Variants in CYP19A1 observed in about 807,000 individuals in gnomAD.
CYP19A1 encodes aromatase.
In CYP19A1, 32 loss-of-function variants were observed where a neutral mutation model predicts 44.4. The ratio of observed to expected loss-of-function variants is 0.72; its 90% CI spans 0.54 to 0.97. The LOEUF is 0.97. Ranked by LOEUF, CYP19A1 falls within the 50% of genes least tolerant of loss-of-function variation. CYP19A1 has a pLI of 0.00. For synonymous variants in CYP19A1, 212 were observed against 215.6 expected (o/e 0.98, Z 0.14); for missense variants, 598 against 637.8 (o/e 0.94, Z 0.67).
intron 1 of CYP19A1, among the ~76,000 whole-genome samples, chr15:51,295,133 CGT>C (rs869085526): frequency 2.3e-5 from 3 of 130,596 alleles, no homozygotes; most frequent in African/African-American, 1.0e-4. Flanking sequence ...GAATTAACAA[CGT>C]GTTTTTTTTT....
chr15:51,294,629 G>T (rs1168192434), intron 1 of CYP19A1, among the ~76,000 whole-genome samples: 2 of 146,778 alleles, frequency 1.4e-5, no homozygotes, highest in Admixed American at 6.7e-5. Flanking sequence ...CGGGAGGGAG[G>T]TGGGGGGGTC....
intron 1 of CYP19A1, among the ~76,000 whole-genome samples, chr15:51,285,107 G>T (rs1320119906): frequency 6.6e-6 from 1 of 152,210 alleles, no homozygotes; most frequent in Non-Finnish European, 1.5e-5. Context: ...AACTGCTGGA[G>T]CGCCAGGGTT....
In CYP19A1 at chr15:51,210,442, A is replaced by G. The variant is rs2030821330; in HGVS notation, c.*366T>C. ...TTGAGTGTTTCTGCCCCAGACATAAAAATCCCCTTGGGTTGAGGCAGTAGA... is the reference window on the plus strand; with the variant it reads ...TTGAGTGTTTCTGCCCCAGACATAAGAATCCCCTTGGGTTGAGGCAGTAGA... On this transcript the variant is annotated 3_prime_UTR_variant, in exon 10 of 10. Coordinates refer to ENST00000396402, the MANE Select transcript of CYP19A1 (RefSeq NM_000103.4). The G allele has an allele frequency of 3.8e-6, 2 of 521,152 alleles. No homozygotes were observed. The highest frequency in any genetic ancestry group is 1.9e-5 in the African/African-American group (1 of 52,986). The allele number at this position is 521,152 out of a possible 1,614,324, so 32.3% of individuals were successfully genotyped here.
At position 51,215,119 on chromosome 15, in the gene CYP19A1, C is replaced by T; in HGVS notation, c.972G>A (p.Lys324=). Residue 324 remains lysine, a synonymous_variant, in exon 8 of 10, where the codon AAG becomes AAA. Coordinates refer to ENST00000396402, the MANE Select transcript of CYP19A1 (RefSeq NM_000103.4). Reference sequence around the variant, plus strand: ...TTATTGCCTCTTCAACATTAGGGTGCTTTGCAATGAGAAATAGCATGAAGA... The same window carrying T: ...TTATTGCCTCTTCAACATTAGGGTGTTTTGCAATGAGAAATAGCATGAAGA... ...SLFFMLFLIA[K]HPNVEEAIIK... 1 of 1,613,994 alleles carries T rather than the reference C, an allele frequency of 6.2e-7. No individual in the cohort carries two copies. The highest frequency in any genetic ancestry group is 1.3e-5 in the African/African-American group (1 of 75,010).
At chr15:51,324,789 A>G (rs954222437) in intron 1 of CYP19A1, among the ~76,000 whole-genome samples, 1 of 152,208 alleles carries the variant, frequency 6.6e-6, no homozygotes, top group African/African-American at 2.4e-5. Context: ...ACTGATCTAG[A>G]ATTTTTATTA....
At chr15:51,231,936 C>G (rs1252590675) in intron 3 of CYP19A1, among the ~76,000 whole-genome samples, 2 of 152,170 alleles carry the variant, frequency 1.3e-5, no homozygotes, top group Admixed American at 6.5e-5. Flanking sequence ...TATTCAAGGC[C>G]AACCCATCCA....
At chr15:51,302,834 C>T (rs376349173) in intron 1 of CYP19A1, among the ~76,000 whole-genome samples, 7 of 152,220 alleles carry the variant, frequency 4.6e-5, no homozygotes, top group African/African-American at 7.2e-5. Flanking sequence ...AAACTGTACT[C>T]GGCACTTTTT....
At position 51,242,758 on chromosome 15, in the gene CYP19A1, A is replaced by G. The variant is rs1362786284; in HGVS notation, c.145+10T>C. On this transcript the variant is annotated intron_variant, in intron 2 of 9. Transcript: ENST00000396402. ...ATCTCCTTAGATACAGAAATAAATGACTGACTTACCTGGTATTGAGGATGT... is the reference window on the plus strand; with the variant it reads ...ATCTCCTTAGATACAGAAATAAATGGCTGACTTACCTGGTATTGAGGATGT... The G allele has an allele frequency of 6.6e-7, 1 of 1,509,096 alleles. No homozygotes were observed. Among genetic ancestry groups the G allele is most frequent in the Non-Finnish European group, 9.2e-7 (1 of 1,084,544 alleles). The allele number at this position is 1,509,096 out of a possible 1,614,324, so 93.5% of individuals were successfully genotyped here. A position where few individuals can be genotyped will look rare whatever the true frequency, so the allele number is the denominator to read the frequency against.
At chr15:51,336,900 G>A (rs2036784965) in intron 1 of CYP19A1, among the ~76,000 whole-genome samples, 1 of 109,850 alleles carries the variant, frequency 9.1e-6, no homozygotes. Flanking sequence ...AAACAGGCCA[G>A]ATTGATAGCT....
intron 1 of CYP19A1, among the ~76,000 whole-genome samples, chr15:51,336,945 G>T (rs1384261033): frequency 6.6e-6 from 1 of 151,196 alleles, no homozygotes; most frequent in Non-Finnish European, 1.5e-5. Flanking sequence ...AAAAGTAGCA[G>T]CCCATTCTGT....
intron 2 of CYP19A1, among the ~76,000 whole-genome samples, chr15:51,239,860 C>T (rs985143550): frequency 2.0e-5 from 3 of 152,108 alleles, no homozygotes; most frequent in African/African-American, 7.2e-5. Flanking sequence ...TGCTTTTCTC[C>T]CCCCTAGTTC....
rs1303723306 is a variant in CYP19A1, at chr15:51,215,606, G to A, written c.858+97C>T. On this transcript the variant is annotated intron_variant, in intron 7 of 9. Transcript: ENST00000396402. ...GAACTGCTAGAGAAAGTATTTAAAAGCAGAAATATGCAACAGTTACAAAAG... is the reference window on the plus strand; with the variant it reads ...GAACTGCTAGAGAAAGTATTTAAAAACAGAAATATGCAACAGTTACAAAAG... 5 of 1,603,588 alleles carry A rather than the reference G, an allele frequency of 3.1e-6. No homozygotes were observed. The East Asian group carries it at 1.1e-4, about 36-fold the overall frequency.
At chr15:51,296,155 G>GAGGC (rs2140995656) in intron 1 of CYP19A1, among the ~76,000 whole-genome samples, 1 of 152,100 alleles carries the variant, frequency 6.6e-6, no homozygotes, top group South Asian at 2.1e-4. Context: ...GCAGCAAGCA[G>GAGGC]AGGCAGGCAA....
chr15:51,227,329 A>G (rs1031453951), intron 4 of CYP19A1, among the ~76,000 whole-genome samples: 4 of 152,116 alleles, frequency 2.6e-5, no homozygotes, highest in African/African-American at 9.7e-5. Flanking sequence ...GAGTAAAGGC[A>G]TAATGAATGT....
chr15:51,295,275 G>A (rs949729271), intron 1 of CYP19A1, among the ~76,000 whole-genome samples: 14 of 151,950 alleles, frequency 9.2e-5, no homozygotes, highest in Admixed American at 3.9e-4. Context: ...GGGTGATTCA[G>A]AAGGACAAGT....
intron 1 of CYP19A1, chr15:51,293,688 C>T (rs2035899808): frequency 6.4e-6 from 1 of 157,122 alleles, no homozygotes; most frequent in Admixed American, 6.5e-5. Context: ...TGCCCAGTGC[C>T]TGCGATTGCA....
At chr15:51,301,610 C>T (rs761117828) in intron 1 of CYP19A1, among the ~76,000 whole-genome samples, 4 of 152,176 alleles carry the variant, frequency 2.6e-5, no homozygotes, top group African/African-American at 7.2e-5. Flanking sequence ...CCATCCAAGA[C>T]GTGCTAGTGC....
intron 1 of CYP19A1, among the ~76,000 whole-genome samples, chr15:51,310,311 T>C (rs1340207743): frequency 6.6e-6 from 1 of 152,208 alleles, no homozygotes; most frequent in African/African-American, 2.4e-5. Flanking sequence ...ATGACCAATA[T>C]GGTGATGGTG....
intron 1 of CYP19A1, among the ~76,000 whole-genome samples, chr15:51,266,025 G>A (rs557398877): frequency 6.6e-6 from 1 of 152,308 alleles, no homozygotes; most frequent in East Asian, 1.9e-4. Context: ...GGAAATGGCT[G>A]GCTTCCTTTG....
Sources: allele counts gnomAD v4.1 joint callset (sites outside exome capture counted in the v4.1 genomes callset), GRCh38; gene constraint gnomAD v4.1.1; transcripts MANE v1.5; gene names NCBI Gene and HGNC (gene_info 2026-07-23, HGNC 2026-07-21).